Variants in RAPGEF2 observed in about 807,000 individuals in gnomAD.
RAPGEF2 encodes Rap guanine nucleotide exchange factor 2, also known as PDZ domain containing guanine nucleotide exchange factor (GEF) 1.
A neutral mutation model predicts 186.7 loss-of-function variants in RAPGEF2; 54 were observed. That is an observed-to-expected ratio of 0.29 (90% CI 0.23 to 0.36). The LOEUF is 0.36. Ranked by LOEUF, RAPGEF2 falls within the 10% of genes least tolerant of loss-of-function variation. The pLI, the probability that RAPGEF2 is intolerant of heterozygous loss-of-function variation, is 1.00. For missense variants in RAPGEF2, 1,532 were observed against 2,045.0 expected (o/e 0.75, Z 4.84); for synonymous variants, 712 against 705.9 (o/e 1.01, Z -0.14).
At chr4:159,165,868 C>G (rs981301340) in intron 1 of RAPGEF2, among the ~76,000 whole-genome samples, 3 of 152,152 alleles carry the variant, frequency 2.0e-5, no homozygotes, top group Non-Finnish European at 4.4e-5. Flanking sequence ...GCTGCGATTA[C>G]AGGCATGAAC....
At chr4:159,278,183 A>G (rs2110871157) in intron 7 of RAPGEF2, among the ~76,000 whole-genome samples, 1 of 152,270 alleles carries the variant, frequency 6.6e-6, no homozygotes, top group South Asian at 2.1e-4. Flanking sequence ...TTTTCCCAGT[A>G]CCATCTGTTA....
At chr4:159,346,759 G>A in intron 24 of RAPGEF2, 30 bp from the exon 25 acceptor site, 3 of 1,583,148 alleles carry the variant, frequency 1.9e-6, no homozygotes, top group Non-Finnish European at 2.6e-6. Flanking sequence ...AAAATTCTTT[G>A]TTCTATTTTC....
chr4:159,178,107 C>A (rs1746628216), intron 1 of RAPGEF2, among the ~76,000 whole-genome samples: 1 of 152,156 alleles, frequency 6.6e-6, no homozygotes, highest in South Asian at 2.1e-4. Context: ...TTAAAGGAAT[C>A]AATCCACTTC....
intron 4 of RAPGEF2, among the ~76,000 whole-genome samples, chr4:159,215,333 C>T (rs1437812993): frequency 6.6e-6 from 1 of 151,766 alleles, no homozygotes; most frequent in Non-Finnish European, 1.5e-5. Flanking sequence ...CCAGCATTCC[C>T]TGCTGATCTG....
intron 1 of RAPGEF2, among the ~76,000 whole-genome samples, chr4:159,157,651 A>G (rs1277683929): frequency 6.6e-6 from 1 of 152,224 alleles, no homozygotes; most frequent in Non-Finnish European, 1.5e-5. Context: ...GTCTAAAGGA[A>G]TTCTTCACCA....
At chr4:159,338,544 A>G in intron 18 of RAPGEF2, 76 bp downstream of exon 18, 4 of 1,363,684 alleles carry the variant, frequency 2.9e-6, no homozygotes, top group Admixed American at 4.1e-5. Context: ...TATTATATGT[A>G]TCTCTCTTCA....
chr4:159,236,760 CTT>C (rs1330182083), intron 4 of RAPGEF2, among the ~76,000 whole-genome samples: 1 of 152,058 alleles, frequency 6.6e-6, no homozygotes, highest in Non-Finnish European at 1.5e-5. Context: ...GAAACTCAAA[CTT>C]TTGTGTATAT....
intron 2 of RAPGEF2, among the ~76,000 whole-genome samples, chr4:159,188,656 T>A (rs1579411920): frequency 9.0e-6 from 1 of 110,724 alleles, no homozygotes. Flanking sequence ...AGAATGAGAC[T>A]ACATCTCAAA....
At chr4:159,320,840 A>G (rs1765154462) in intron 9 of RAPGEF2, among the ~76,000 whole-genome samples, 1 of 152,110 alleles carries the variant, frequency 6.6e-6, no homozygotes, top group Non-Finnish European at 1.5e-5. Context: ...TATATAGGGA[A>G]TGTTTGATTA....
chr4:159,356,119 G>A lies in RAPGEF2; in HGVS notation c.4918G>A (p.Ala1640Thr), dbSNP rs767807700. ...HKPNESDPRL[A>T]PYQSQGFSTE... ...ACCGAACGAGTCTGACCCGCGCCTCGCCCCCTATCAGTCCCAAGGGTTTTC... is the reference window on the plus strand; with the variant it reads ...ACCGAACGAGTCTGACCCGCGCCTCACCCCCTATCAGTCCCAAGGGTTTTC... The change falls in exon 29 of 30, where the codon GCC (alanine) becomes ACC (threonine). Residue 1640 changes from alanine (A) to threonine (T), a missense_variant. Physicochemically the swap from Ala to Thr is moderately conservative, Grantham distance 58. This residue lies in a region of RAPGEF2 where 594 missense variants were observed against 608.5 expected (regional missense o/e 0.98). Coordinates refer to ENST00000691494, the MANE Select transcript of RAPGEF2 (RefSeq NM_001394067.2). 1.5e-5 allele frequency: 25 copies of A among 1,613,958 alleles called. No individual in the cohort carries two copies. Among genetic ancestry groups the A allele is most frequent in the Non-Finnish European group, 2.1e-5 (25 of 1,180,014 alleles).
At chr4:159,115,648 T>C (rs1456575040) in intron 1 of RAPGEF2, among the ~76,000 whole-genome samples, 2 of 152,122 alleles carry the variant, frequency 1.3e-5, no homozygotes, top group East Asian at 3.8e-4. Flanking sequence ...TTGGTCAAAT[T>C]GTTAAAAGTA....
At chr4:159,267,123 A>G (rs1757526215) in intron 7 of RAPGEF2, 4 of 1,243,562 alleles carry the variant, frequency 3.2e-6, no homozygotes, top group South Asian at 1.3e-5. Context: ...TTACATCACT[A>G]GAACTGCATT....
intron 25 of RAPGEF2, 48 bp downstream of exon 25, chr4:159,347,046 G>GT (rs778401398): frequency 1.5e-4 from 232 of 1,520,376 alleles, no homozygotes; most frequent in Non-Finnish European, 2.0e-4. Context: ...CACTGTCATG[G>GT]TTTGCAAATT....
chr4:159,158,832 T>C (rs1744395464), intron 1 of RAPGEF2, among the ~76,000 whole-genome samples: 2 of 152,230 alleles, frequency 1.3e-5, no homozygotes, highest in African/African-American at 4.8e-5. Context: ...GAAATTATCA[T>C]TGACAACCTC....
intron 16 of RAPGEF2, 93 bp from the exon 17 acceptor site, chr4:159,332,358 T>A: frequency 7.5e-7 from 1 of 1,327,700 alleles, no homozygotes; most frequent in Non-Finnish European, 1.0e-6. Flanking sequence ...AGTCTGTACT[T>A]CTCATATATT....
At chr4:159,106,414 A>T (rs976998125) in intron 1 of RAPGEF2, among the ~76,000 whole-genome samples, 8 of 149,996 alleles carry the variant, frequency 5.3e-5, no homozygotes, top group Admixed American at 1.3e-4. Context: ...CAAAAATTAT[A>T]AAAAAAAAAG....
chr4:159,155,652 G>A (rs1467583222), intron 1 of RAPGEF2, among the ~76,000 whole-genome samples: 2 of 152,188 alleles, frequency 1.3e-5, no homozygotes, highest in Admixed American at 6.5e-5. Context: ...TACAGAAGAC[G>A]TGGTAATTCT....
At chr4:159,268,653 G>T (rs182512739) in intron 7 of RAPGEF2, among the ~76,000 whole-genome samples, 1 of 152,216 alleles carries the variant, frequency 6.6e-6, no homozygotes, top group East Asian at 1.9e-4. Flanking sequence ...TATTGATTTG[G>T]TAATAAAGCG....
intron 9 of RAPGEF2, among the ~76,000 whole-genome samples, chr4:159,321,135 T>C (rs78928016): frequency 0.011 from 1,656 of 151,976 alleles, 35 homozygotes; most frequent in African/African-American, 0.038. Context: ...CACCCTGTGC[T>C]CTTTACCACT....
Sources: allele counts gnomAD v4.1 joint callset (sites outside exome capture counted in the v4.1 genomes callset), GRCh38; gene constraint gnomAD v4.1.1; regional missense constraint gnomAD v4.1.1; transcripts MANE v1.5; gene names NCBI Gene and HGNC (gene_info 2026-07-23, HGNC 2026-07-21).